The following MYO16 variants were observed in gnomAD, a reference collection of about 807,000 sequenced individuals.
MYO16 encodes the protein myosin XVI.
In MYO16, 94 loss-of-function variants were observed where a neutral mutation model predicts 205.3. The observed-to-expected ratio is 0.46, with a 90% CI of 0.39 to 0.54. The LOEUF is 0.54. Ranked by LOEUF, MYO16 falls within the 20% of genes least tolerant of loss-of-function variation. The pLI is 0.00. For missense variants in MYO16, 2,315 were observed against 2,387.5 expected (o/e 0.97, Z 0.63); for synonymous variants, 988 against 954.0 (o/e 1.04, Z -0.66).
chr13:108,595,114 T>C (rs762930593), upstream of MYO16, among the ~76,000 whole-genome samples: 1 of 152,214 alleles, frequency 6.6e-6, no homozygotes, highest in Non-Finnish European at 1.5e-5. Flanking sequence ...AAAGTGAAAA[T>C]GTCAAAATCT....
intron 14 of MYO16, among the ~76,000 whole-genome samples, chr13:108,897,169 A>G (rs1880463398): frequency 6.6e-6 from 1 of 152,162 alleles, no homozygotes; most frequent in South Asian, 2.1e-4. Context: ...CAGAAACCGC[A>G]TGGAACATAA....
At chr13:109,023,023 A>G (rs1170852697) in intron 23 of MYO16, among the ~76,000 whole-genome samples, 2 of 134,788 alleles carry the variant, frequency 1.5e-5, no homozygotes, top group Non-Finnish European at 3.0e-5. Flanking sequence ...AAATGTATGT[A>G]TATATTTATA....
intron 10 of MYO16, 196 bp from the exon 11 acceptor site, chr13:108,855,247 A>ATTTTTGTGCTATACATC (rs1282930368): frequency 2.4e-6 from 1 of 414,118 alleles, no homozygotes. Context: ...AAAAATTCTC[A>ATTTTTGTGCTATACATC]TCTGAATACA....
intron 20 of MYO16, among the ~76,000 whole-genome samples, chr13:108,971,120 G>A (rs1278542158): frequency 1.3e-5 from 2 of 151,926 alleles, no homozygotes; most frequent in Non-Finnish European, 2.9e-5. Flanking sequence ...ATTTTATAAC[G>A]CAGCACTTAC....
Position 109,140,887 on chromosome 13 carries a change from C to G in MYO16, c.4675C>G (p.Pro1559Ala). The G allele has an allele frequency of 6.3e-7, 1 of 1,593,812 alleles. No individual in the cohort carries two copies. The highest frequency in any genetic ancestry group is 2.3e-5 in the East Asian group (1 of 42,608). Reference sequence around the variant, plus strand: ...CCCCGTGCAGCCGGAGGGGTCGAGCCCGCTGTCCCCGCAGTACTCCAAGAG... The same window carrying G: ...CCCCGTGCAGCCGGAGGGGTCGAGCGCGCTGTCCCCGCAGTACTCCAAGAG... ...KYPVQPEGSS[P>A]LSPQYSKSQK... The change falls in exon 32 of 35, where the codon CCG (proline) becomes GCG (alanine). Residue 1559 changes from proline (P) to alanine (A), a missense_variant. Transcript: ENST00000457511. The surrounding 1 kb of genome is among the most constrained non-coding windows in gnomAD (Gnocchi z 8.0).
intron 16 of MYO16, among the ~76,000 whole-genome samples, chr13:108,931,333 C>T (rs1235183762): frequency 6.6e-6 from 1 of 152,170 alleles, no homozygotes; most frequent in Non-Finnish European, 1.5e-5. Context: ...CCATGCATCT[C>T]GCCAAACATG....
At chr13:108,918,658 G>T (rs371451117) in intron 16 of MYO16, among the ~76,000 whole-genome samples, 4 of 152,206 alleles carry the variant, frequency 2.6e-5, no homozygotes, top group East Asian at 1.9e-4. Flanking sequence ...TAGAAACTTG[G>T]TCTGATGCTA....
chr13:108,809,870 A>T (rs1321119653), intron 7 of MYO16, among the ~76,000 whole-genome samples: 1 of 152,198 alleles, frequency 6.6e-6, no homozygotes, highest in Non-Finnish European at 1.5e-5. Context: ...ACAAGCCTTG[A>T]TTGTTCTTTT....
At chr13:109,034,617 A>G (rs1282755154) in intron 23 of MYO16, among the ~76,000 whole-genome samples, 1 of 152,234 alleles carries the variant, frequency 6.6e-6, no homozygotes. Flanking sequence ...AAACAGACGA[A>G]TACAACATGT....
At chr13:109,028,815 C>G (rs1411061431) in intron 23 of MYO16, among the ~76,000 whole-genome samples, 1 of 151,640 alleles carries the variant, frequency 6.6e-6, no homozygotes, top group African/African-American at 2.4e-5. Flanking sequence ...TTTCCACAGA[C>G]CTTTACGGGA....
chr13:109,046,905 T>A lies in MYO16; in HGVS notation c.2797-11T>A. ...AATCATTAGTAATTATGCTGCTTTC[T>A]TTTATTCTAGGTAATGTATGATGTT... On this transcript the variant is annotated splice_polypyrimidine_tract_variant and intron_variant, in intron 23 of 34. Transcript: ENST00000457511. 6.3e-7 allele frequency: 1 copy of A among 1,594,282 alleles called. No individual in the cohort carries two copies. Among genetic ancestry groups the A allele is most frequent in the Non-Finnish European group, 8.6e-7 (1 of 1,163,012 alleles).
In MYO16 at chr13:108,946,001, C is replaced by G. The variant is rs12872181; in HGVS notation, c.1926-11687C>G. Among the ~76,000 whole-genome samples, 1,499 of 152,296 alleles carry G rather than the reference C, an allele frequency of 9.8e-3. 13 individuals are homozygous for G. The highest frequency in any genetic ancestry group is 0.015 in the Non-Finnish European group (1,053 of 68,030). ...TGAGCTGTGTACCTGGAAGGTGCGT[C>G]TGTGTGCCTGGGGGTAGACATGCCA... On this transcript the variant is annotated intron_variant, in intron 16 of 34. Transcript: ENST00000457511.
At chr13:108,782,221 C>G (rs573426935) in intron 4 of MYO16, among the ~76,000 whole-genome samples, 52 of 152,152 alleles carry the variant, frequency 3.4e-4, no homozygotes, top group Non-Finnish European at 6.2e-4. Context: ...CAATAAGTTC[C>G]AGACTGAGGT....
At chr13:108,517,981 T>A in the MYO16 span, among the ~76,000 whole-genome samples, 1 of 152,302 alleles carries the variant, frequency 6.6e-6, no homozygotes, top group Non-Finnish European at 1.5e-5. Flanking sequence ...GGAACCCTCA[T>A]GACTTAATCA....
At chr13:109,078,703 T>C (rs1425497701) in intron 27 of MYO16, among the ~76,000 whole-genome samples, 2 of 152,098 alleles carry the variant, frequency 1.3e-5, no homozygotes, top group African/African-American at 4.8e-5. Context: ...TTGGAAACAG[T>C]TTATTGTTTG....
the MYO16 span, among the ~76,000 whole-genome samples, chr13:108,557,364 T>G: frequency 6.6e-6 from 1 of 152,186 alleles, no homozygotes; most frequent in Admixed American, 6.5e-5. Flanking sequence ...AATTTTAGGT[T>G]TTTAGATCAT....
intron 2 of MYO16, among the ~76,000 whole-genome samples, chr13:108,711,436 G>A (rs932144952): frequency 9.9e-5 from 15 of 152,236 alleles, no homozygotes; most frequent in African/African-American, 3.6e-4. Context: ...ACTTCTTCTG[G>A]ATGTGCTCCA....
chr13:108,782,191 A>G (rs1643915363), intron 4 of MYO16, among the ~76,000 whole-genome samples: 1 of 152,210 alleles, frequency 6.6e-6, no homozygotes, highest in African/African-American at 2.4e-5. Flanking sequence ...CTTTGACAAA[A>G]ATGCTGATAG....
At chr13:108,753,607 G>A (rs1885324437) in intron 4 of MYO16, among the ~76,000 whole-genome samples, 3 of 152,008 alleles carry the variant, frequency 2.0e-5, no homozygotes, top group Non-Finnish European at 4.4e-5. Context: ...TTTGACCTAG[G>A]TATTAATTAA....
Sources: gnomAD v4.1 joint callset for allele counts (sites outside exome capture counted in the v4.1 genomes callset) on GRCh38, gnomAD v4.1.1 for gene constraint, Gnocchi (gnomAD v3.1) non-coding constraint, MANE v1.5 for transcripts, NCBI Gene and HGNC (gene_info 2026-07-23, HGNC 2026-07-21) for gene names.